UST: variants seen among roughly 807,000 people sequenced by gnomAD.
UST encodes the protein uronyl 2-sulfotransferase.
Under a neutral mutation model 45.6 loss-of-function variants are expected in UST, and 21 were observed. The observed-to-expected ratio is 0.46, with a 90% CI of 0.33 to 0.66. The LOEUF is 0.66. UST is among the 30% of genes least tolerant of loss of function. The pLI, the probability that UST is intolerant of heterozygous loss-of-function variation, is 0.02. For synonymous variants in UST, 215 were observed against 200.6 expected, an observed-to-expected ratio of 1.07 and a Z score of -0.61; for missense variants, 463 against 512.4, an observed-to-expected ratio of 0.90 and a Z score of 0.93.
At chr6:148,976,263 AC>A (rs1781014617) in intron 5 of UST, among the ~76,000 whole-genome samples, 1 of 151,980 alleles carries the variant, frequency 6.6e-6, no homozygotes, top group South Asian at 2.1e-4. Context: ...TTTAATAACC[AC>A]CTCTGGCGGG....
At chr6:148,903,654 A>T (rs574248061) in intron 2 of UST, among the ~76,000 whole-genome samples, 2 of 120,800 alleles carry the variant, frequency 1.7e-5, no homozygotes, top group East Asian at 4.5e-4. Flanking sequence ...TCAGTATTTG[A>T]TTTGTTGTAA....
chr6:148,886,319 C>T (rs1417950073), intron 1 of UST, among the ~76,000 whole-genome samples: 1 of 152,200 alleles, frequency 6.6e-6, no homozygotes, highest in Non-Finnish European at 1.5e-5. Flanking sequence ...AGATAAATAC[C>T]TGTAAAGCAC....
chr6:148,828,119 A>G (rs1562269897), intron 1 of UST, among the ~76,000 whole-genome samples: 1 of 152,052 alleles, frequency 6.6e-6, no homozygotes, highest in Non-Finnish European at 1.5e-5. Flanking sequence ...ACTTCTGTCA[A>G]ATATATATAT....
chr6:148,806,728 G>A (rs913698570), intron 1 of UST, among the ~76,000 whole-genome samples: 4 of 152,200 alleles, frequency 2.6e-5, no homozygotes, highest in Non-Finnish European at 5.9e-5. Context: ...TGGGAAGTCC[G>A]AGATTGTGGG....
chr6:148,829,334 C>T (rs1777639104), intron 1 of UST, among the ~76,000 whole-genome samples: 1 of 152,234 alleles, frequency 6.6e-6, no homozygotes, highest in South Asian at 2.1e-4. Flanking sequence ...TCCCACACAG[C>T]CATGTGAGCA....
At chr6:148,972,487 G>A (rs945368042) in intron 5 of UST, among the ~76,000 whole-genome samples, 1 of 152,356 alleles carries the variant, frequency 6.6e-6, no homozygotes, top group Non-Finnish European at 1.5e-5. Context: ...GTACAGTAAA[G>A]TGTTTCTCCA....
intron 1 of UST, among the ~76,000 whole-genome samples, chr6:148,810,346 A>C (rs978562404): frequency 1.3e-5 from 2 of 152,192 alleles, no homozygotes; most frequent in Admixed American, 6.5e-5. Flanking sequence ...TCAACACTTC[A>C]TTATATGGTT....
chr6:149,018,452 G>A (rs116271482), intron 5 of UST, among the ~76,000 whole-genome samples: 3,002 of 152,178 alleles, frequency 0.02, 123 homozygotes, highest in African/African-American at 0.07. Context: ...TCTCTAATAT[G>A]ATCTACCTTG....
chr6:148,857,668 C>A (rs528018118), intron 1 of UST, among the ~76,000 whole-genome samples: 1 of 151,246 alleles, frequency 6.6e-6, no homozygotes, highest in African/African-American at 2.4e-5. Context: ...TGCTCTTACC[C>A]CTTATGAAAT....
intron 1 of UST, among the ~76,000 whole-genome samples, chr6:148,855,896 C>T (rs1778193784): frequency 6.6e-6 from 1 of 152,118 alleles, no homozygotes; most frequent in Admixed American, 6.5e-5. Flanking sequence ...AGGGCAGCAC[C>T]TGGACCTGAC....
chr6:148,852,747 C>T (rs1365965624), intron 1 of UST, among the ~76,000 whole-genome samples: 1 of 152,032 alleles, frequency 6.6e-6, no homozygotes, highest in Admixed American at 6.6e-5. Flanking sequence ...CCCGGGAATC[C>T]TTTGCTGACC....
Position 148,860,702 on chromosome 6 carries a change from T to C in UST, c.248-26284T>C, listed in dbSNP as rs572381414. On this transcript the variant is annotated intron_variant, in intron 1 of 7. Coordinates refer to ENST00000367463, the MANE Select transcript of UST (RefSeq NM_005715.3). ...CCTAGTTTATTGAGAGTTTTTAGCATGAAGGGCTGTTGAATTTTGTCGAAG... is the reference window on the plus strand; with the variant it reads ...CCTAGTTTATTGAGAGTTTTTAGCACGAAGGGCTGTTGAATTTTGTCGAAG... 2.5e-3 allele frequency among the ~76,000 whole-genome samples: 380 copies of C among 152,342 alleles called. 2 individuals carry two copies. Among genetic ancestry groups the C allele is most frequent in the Non-Finnish European group, 4.7e-3 (321 of 68,032 alleles).
At chr6:149,049,807 C>T (rs1776453292) in intron 7 of UST, among the ~76,000 whole-genome samples, 2 of 152,072 alleles carry the variant, frequency 1.3e-5, no homozygotes, top group South Asian at 4.2e-4. Flanking sequence ...CTTTACCAGC[C>T]CCTCTCTCTA....
chr6:149,004,365 T>C (rs79859808), intron 5 of UST, among the ~76,000 whole-genome samples: 3,367 of 152,280 alleles, frequency 0.022, 144 homozygotes, highest in Admixed American at 0.11. Context: ...GACCCAGTTA[T>C]TGAGATCAGA....
At chr6:148,905,892 G>A (rs1478631531) in intron 2 of UST, among the ~76,000 whole-genome samples, 2 of 152,058 alleles carry the variant, frequency 1.3e-5, no homozygotes, top group African/African-American at 4.8e-5. Context: ...ACAATAGCTG[G>A]CACACATCAT....
At chr6:149,048,752 C>T (rs934990793) in intron 7 of UST, among the ~76,000 whole-genome samples, 1 of 152,080 alleles carries the variant, frequency 6.6e-6, no homozygotes, top group African/African-American at 2.4e-5. Context: ...CCAACAAATA[C>T]ACTAAGAAAT....
At chr6:148,948,566 T>TA (rs1314670589) in intron 3 of UST, among the ~76,000 whole-genome samples, 1 of 152,270 alleles carries the variant, frequency 6.6e-6, no homozygotes, top group African/African-American at 2.4e-5. Context: ...TTTTAGTATT[T>TA]AAAATTAATT....
At chr6:148,818,209 G>A (rs1777390966) in intron 1 of UST, among the ~76,000 whole-genome samples, 1 of 152,138 alleles carries the variant, frequency 6.6e-6, no homozygotes, top group Non-Finnish European at 1.5e-5. Context: ...AAGTGAAGTG[G>A]CATACATCTT....
At chr6:148,866,893 CA>C (rs1365699979) in intron 1 of UST, among the ~76,000 whole-genome samples, 69 of 5,260 alleles carry the variant, frequency 0.013, no homozygotes, top group Admixed American at 0.047. Flanking sequence ...CTCCACAAGG[CA>C]TTTTTTTTTT....
Sources: gnomAD v4.1 joint callset for allele counts (sites outside exome capture counted in the v4.1 genomes callset) on GRCh38, gnomAD v4.1.1 for gene constraint, MANE v1.5 for transcripts, NCBI Gene and HGNC (gene_info 2026-07-23, HGNC 2026-07-21) for gene names.